Variants in CLPSL1 observed in about 807,000 individuals in gnomAD.
The protein encoded by CLPSL1 is colipase-like protein 1.
A neutral mutation model predicts 9.3 loss-of-function variants in CLPSL1; 13 were observed. The observed-to-expected ratio is 1.40, with a 90% CI of 0.91 to 2.22. The LOEUF (loss-of-function observed/expected upper bound fraction) is 2.22. Ranked by LOEUF, CLPSL1 falls within the 30% of genes most tolerant of loss-of-function variation. CLPSL1 has a pLI of 0.00. For missense variants in CLPSL1, 164 were observed against 146.6 expected (o/e 1.12, Z -0.61); for synonymous variants, 58 against 56.9 (o/e 1.02, Z -0.08).
intron 2 of CLPSL1, among the ~76,000 whole-genome samples, chr6:35,787,395 C>T (rs963372871): frequency 2.0e-5 from 3 of 152,274 alleles, no homozygotes; most frequent in Non-Finnish European, 4.4e-5. Flanking sequence ...GTCTTCTCAG[C>T]AAATTCCGAA....
At chr6:35,793,359 A>G (rs142946011) in intron 1 of CLPSL1, 15,870 of 436,656 alleles carry the variant, frequency 0.036, 311 homozygotes, top group Middle Eastern at 0.077. Context: ...CAGGAGGCAG[A>G]AGTTGCAGGG....
chr6:35,781,670 G>A (rs535596087), intron 1 of CLPSL1, among the ~76,000 whole-genome samples: 1 of 151,126 alleles, frequency 6.6e-6, no homozygotes, highest in Non-Finnish European at 1.5e-5. Flanking sequence ...TGATAAGCAA[G>A]GAAAGGGAAA....
intron 1 of CLPSL1, among the ~76,000 whole-genome samples, chr6:35,786,613 G>T (rs961114862): frequency 2.0e-5 from 3 of 151,982 alleles, no homozygotes; most frequent in Non-Finnish European, 4.4e-5. Context: ...GTGTGTAGGG[G>T]GAGGGGCGGT....
At chr6:35,782,042 G>A (rs567179711) in intron 1 of CLPSL1, among the ~76,000 whole-genome samples, 33 of 152,254 alleles carry the variant, frequency 2.2e-4, no homozygotes, top group African/African-American at 4.3e-4. Context: ...GTAAGCCACC[G>A]CACCTGGCCA....
chr6:35,783,174 G>A (rs1423052997), intron 1 of CLPSL1, among the ~76,000 whole-genome samples: 1 of 152,062 alleles, frequency 6.6e-6, no homozygotes, highest in Non-Finnish European at 1.5e-5. Context: ...TTATAGATTA[G>A]TTTTGAACTT....
intron 1 of CLPSL1, among the ~76,000 whole-genome samples, chr6:35,782,459 A>G (rs1767984259): frequency 6.6e-6 from 1 of 152,244 alleles, no homozygotes; most frequent in Non-Finnish European, 1.5e-5. Flanking sequence ...GGGGAAATAA[A>G]TTATTTTTAA....
chr6:35,792,332 C>T (rs955021197), downstream of CLPSL1, among the ~76,000 whole-genome samples: 82 of 152,318 alleles, frequency 5.4e-4, no homozygotes, highest in African/African-American at 1.9e-3. Flanking sequence ...CTTAGCTTAG[C>T]CTACCTTAAA....
At chr6:35,785,114 A>G (rs1252893353) in intron 1 of CLPSL1, among the ~76,000 whole-genome samples, 1 of 151,396 alleles carries the variant, frequency 6.6e-6, no homozygotes, top group Non-Finnish European at 1.5e-5. Flanking sequence ...GTGTTTAGGA[A>G]GTTGTACGCA....
At chr6:35,790,565 G>T (rs2395636), downstream of CLPSL1, among the ~76,000 whole-genome samples, 1 of 152,132 alleles carries the variant, frequency 6.6e-6, no homozygotes, top group South Asian at 2.1e-4. Context: ...TGCGGGTTAT[G>T]TACCATCTCA....
intron 1 of CLPSL1, among the ~76,000 whole-genome samples, chr6:35,781,441 C>A (rs1767965699): frequency 6.6e-6 from 1 of 152,158 alleles, no homozygotes; most frequent in South Asian, 2.1e-4. Context: ...GAGAGCCCCC[C>A]TGCCCATGCG....
chr6:35,788,593 G>A (rs2151062474), downstream of CLPSL1, among the ~76,000 whole-genome samples: 1 of 152,392 alleles, frequency 6.6e-6, no homozygotes, highest in Non-Finnish European at 1.5e-5. Flanking sequence ...CTGTTTTACA[G>A]GTAGGGAAAC....
At position 35,781,054 on chromosome 6, in the gene CLPSL1, G is replaced by A; in HGVS notation, c.-57G>A. ...CCCACAGCTGGGAGGACACCCACAT[G>A]GTCGGCGTGCAGGATATTTCGCTGG... On this transcript the variant is annotated 5_prime_UTR_variant, in exon 1 of 3. The change abolishes an upstream ATG in the 5' untranslated region. Coordinates refer to ENST00000373861, the MANE Select transcript of CLPSL1 (RefSeq NM_001010886.5). 1.9e-6 allele frequency: 3 copies of A among 1,600,130 alleles called. No individual in the cohort carries two copies. In the South Asian group the frequency reaches 3.4e-5, roughly 18 times the overall value.
At position 35,787,848 on chromosome 6, in the gene CLPSL1, A is replaced by G. The variant is rs747032118; in HGVS notation, c.223-19A>G. 12 of 1,606,464 alleles carry G rather than the reference A, an allele frequency of 7.5e-6. No individual in the cohort carries two copies. The South Asian group carries it at 1.2e-4, about 16-fold the overall frequency. ...AAGAGCTGCCGCCAAGGTCGAGGTCAAAGTCCTGTCTTTCCCAGGTGTTCT... is the reference window on the plus strand; with the variant it reads ...AAGAGCTGCCGCCAAGGTCGAGGTCGAAGTCCTGTCTTTCCCAGGTGTTCT... On this transcript the variant is annotated intron_variant, in intron 2 of 2. Transcript: ENST00000373861.
At position 35,786,908 on chromosome 6, in the gene CLPSL1, G is replaced by A. The variant is rs372332907; in HGVS notation, c.100-90G>A. On this transcript the variant is annotated intron_variant, in intron 1 of 2. Coordinates refer to ENST00000373861, the MANE Select transcript of CLPSL1 (RefSeq NM_001010886.5). Reference sequence around the variant, plus strand: ...GGTGATGGTGGGAGCAGAGTCTGGGGAGGAGCCCCGTAGGGAGAAAGCCCC... The same window carrying A: ...GGTGATGGTGGGAGCAGAGTCTGGGAAGGAGCCCCGTAGGGAGAAAGCCCC... The A allele has an allele frequency of 1.8e-5, 27 of 1,464,974 alleles. No individual in the cohort carries two copies. In the South Asian group the frequency reaches 3.0e-4, roughly 16 times the overall value. The allele number at this position is 1,464,974 out of a possible 1,614,324, so 90.7% of individuals were successfully genotyped here. A position where few individuals can be genotyped will look rare whatever the true frequency, so the allele number is the denominator to read the frequency against.
At chr6:35,791,267 C>G (rs923134340), downstream of CLPSL1, among the ~76,000 whole-genome samples, 1 of 152,250 alleles carries the variant, frequency 6.6e-6, no homozygotes, top group Non-Finnish European at 1.5e-5. Context: ...TACGATGGGG[C>G]TACATCCTGA....
downstream of CLPSL1, among the ~76,000 whole-genome samples, chr6:35,790,960 C>T (rs1006417994): frequency 6.6e-6 from 1 of 151,938 alleles, no homozygotes; most frequent in Non-Finnish European, 1.5e-5. Context: ...AGGAGGATCA[C>T]TTGAGCACCA....
rs978292572 is a variant in CLPSL1 at position 35,787,994 on chromosome 6, A to T, written c.350A>T (p.Lys117Met). The stretch of plus-strand genomic sequence containing the variant: ...AAAATTGGAAGGCAGAAGTTGGCTA[A>T]GAAAATGTTCTTCTAGTGCTCCCTC... ...CQKIGRQKLA[K>M]KMFF The change falls in exon 3 of 3, where the codon AAG (lysine) becomes ATG (methionine). Residue 117 changes from lysine (K) to methionine (M), a missense_variant. By Grantham distance (95) the Lys-to-Met change is moderately conservative (BLOSUM62 -1). Transcript: ENST00000373861. 1 of 1,612,892 alleles carries T rather than the reference A, an allele frequency of 6.2e-7. No individual in the cohort carries two copies. The highest frequency in any genetic ancestry group is 8.5e-7 in the Non-Finnish European group (1 of 1,178,900).
chr6:35,789,739 C>T (rs1400706437), downstream of CLPSL1, among the ~76,000 whole-genome samples: 1 of 152,162 alleles, frequency 6.6e-6, no homozygotes, highest in African/African-American at 2.4e-5. Context: ...ACTAAAAATA[C>T]AAAAATTAGC....
At chr6:35,790,840 C>T (rs962120764), downstream of CLPSL1, among the ~76,000 whole-genome samples, 19 of 152,240 alleles carry the variant, frequency 1.2e-4, no homozygotes, top group African/African-American at 4.3e-4. Context: ...AGCCTATTCT[C>T]ATCCAGCCTG....
Sources: allele counts gnomAD v4.1 joint callset (sites outside exome capture counted in the v4.1 genomes callset), GRCh38; gene constraint gnomAD v4.1.1; transcripts MANE v1.5; gene names NCBI Gene and HGNC (gene_info 2026-07-23, HGNC 2026-07-21).